Variants in BTBD9 observed in about 807,000 individuals in gnomAD.
The protein encoded by BTBD9 is BTB/POZ domain-containing protein 9.
Under a neutral mutation model 64.3 loss-of-function variants are expected in BTBD9, and 49 were observed. That is an observed-to-expected ratio of 0.76 (90% CI 0.61 to 0.97). The LOEUF (loss-of-function observed/expected upper bound fraction) is 0.97, where lower values mean the gene tolerates loss of function less well. BTBD9 is among the 50% of genes least tolerant of loss of function. BTBD9 has a pLI of 0.00. For synonymous variants in BTBD9, 260 were observed against 274.7 expected (o/e 0.95, Z 0.53); for missense variants, 598 against 762.1 (o/e 0.78, Z 2.53).
At chr6:38,587,423 C>A in intron 4 of BTBD9, 1 of 527,372 alleles carries the variant, frequency 1.9e-6, no homozygotes, top group Non-Finnish European at 3.7e-6. Flanking sequence ...ATTAATATTA[C>A]TTATGATGAA....
chr6:38,279,193 G>A (rs1475258295), intron 8 of BTBD9, among the ~76,000 whole-genome samples: 1 of 152,000 alleles, frequency 6.6e-6, no homozygotes, highest in Middle Eastern at 3.2e-3. Flanking sequence ...TGGTCTCAGT[G>A]CTTCTGCTTG....
intron 6 of BTBD9, among the ~76,000 whole-genome samples, chr6:38,543,518 G>A (rs1023920741): frequency 2.6e-5 from 4 of 152,054 alleles, no homozygotes; most frequent in African/African-American, 7.2e-5. Context: ...CAATGGGCTC[G>A]GTCAATACCC....
At chr6:38,339,741 G>A (rs577795582) in intron 7 of BTBD9, among the ~76,000 whole-genome samples, 1 of 152,168 alleles carries the variant, frequency 6.6e-6, no homozygotes, top group East Asian at 1.9e-4. Flanking sequence ...GTTTGATTTT[G>A]GAACAATGTA....
At chr6:38,324,732 G>C (rs969871395) in intron 7 of BTBD9, among the ~76,000 whole-genome samples, 2 of 152,190 alleles carry the variant, frequency 1.3e-5, no homozygotes, top group Non-Finnish European at 2.9e-5. Flanking sequence ...CTGACAGGAA[G>C]ACAATCTGGA....
intron 9 of BTBD9, among the ~76,000 whole-genome samples, chr6:38,208,367 T>C (rs1415923474): frequency 6.6e-6 from 1 of 152,138 alleles, no homozygotes; most frequent in Non-Finnish European, 1.5e-5. Flanking sequence ...GTCTGGCGCA[T>C]TGTAGTGATG....
At chr6:38,475,529 C>T (rs188107406) in intron 6 of BTBD9, among the ~76,000 whole-genome samples, 71 of 152,314 alleles carry the variant, frequency 4.7e-4, no homozygotes, top group Admixed American at 1.8e-3. Context: ...ACTAATCTGA[C>T]ACAACATATG....
At chr6:38,467,227 A>G (rs1341583876) in intron 6 of BTBD9, among the ~76,000 whole-genome samples, 5 of 152,150 alleles carry the variant, frequency 3.3e-5, no homozygotes, top group Non-Finnish European at 7.4e-5. Flanking sequence ...AAAGGATCTC[A>G]TTCTATTTTT....
intron 6 of BTBD9, among the ~76,000 whole-genome samples, chr6:38,442,288 C>G (rs61408862): frequency 0.026 from 3,887 of 152,036 alleles, 166 homozygotes; most frequent in African/African-American, 0.089. Context: ...GAGTTCGACA[C>G]CAGCCTGGCC....
At chr6:38,616,493 T>C (rs1481304576) in intron 1 of BTBD9, among the ~76,000 whole-genome samples, 1 of 152,102 alleles carries the variant, frequency 6.6e-6, no homozygotes, top group African/African-American at 2.4e-5. Context: ...GGCACATGTC[T>C]AATAGTCCCA....
intron 9 of BTBD9, among the ~76,000 whole-genome samples, chr6:38,232,479 C>G (rs755987868): frequency 1.6e-4 from 25 of 151,916 alleles, no homozygotes; most frequent in Non-Finnish European, 3.5e-4. Context: ...ACTGTGTTAG[C>G]CAGGATGGTC....
chr6:38,594,465 A>G, intron 2 of BTBD9, 138 bp from the exon 3 acceptor site: 1 of 1,026,122 alleles, frequency 9.7e-7, no homozygotes, highest in African/African-American at 1.6e-5. Context: ...AATGCAAAGT[A>G]ATCATTTAAA....
At chr6:38,440,468 T>C (rs1223041704) in intron 6 of BTBD9, among the ~76,000 whole-genome samples, 2 of 152,138 alleles carry the variant, frequency 1.3e-5, no homozygotes, top group African/African-American at 2.4e-5. Context: ...GTGGTAATAA[T>C]TGGTGACCTT....
At chr6:38,578,467 A>T (rs977940857) in intron 5 of BTBD9, among the ~76,000 whole-genome samples, 2 of 152,212 alleles carry the variant, frequency 1.3e-5, no homozygotes, top group African/African-American at 4.8e-5. Flanking sequence ...TTTGAGATGC[A>T]GTTATTACTT....
chr6:38,298,001 C>T (rs572502788), intron 7 of BTBD9, among the ~76,000 whole-genome samples: 11 of 151,774 alleles, frequency 7.2e-5, no homozygotes, highest in East Asian at 5.8e-4. Context: ...CCACCACACC[C>T]GGCTAATTTT....
intron 1 of BTBD9, among the ~76,000 whole-genome samples, chr6:38,599,099 T>C (rs199538902): frequency 2.0e-3 from 305 of 152,316 alleles, no homozygotes; most frequent in Middle Eastern, 6.8e-3. Context: ...TGCCAATGTT[T>C]ACCAGAACAT....
At chr6:38,183,433 C>T (rs894508381) in intron 10 of BTBD9, among the ~76,000 whole-genome samples, 1 of 152,176 alleles carries the variant, frequency 6.6e-6, no homozygotes, top group Admixed American at 6.5e-5. Flanking sequence ...TGGGGCCACA[C>T]AGCTGGCTGG....
At chr6:38,635,849 A>T (rs1270493720) in intron 1 of BTBD9, among the ~76,000 whole-genome samples, 2 of 152,140 alleles carry the variant, frequency 1.3e-5, no homozygotes, top group African/African-American at 4.8e-5. Context: ...TGCTGCCATT[A>T]TGAAACATAA....
intron 6 of BTBD9, among the ~76,000 whole-genome samples, chr6:38,574,281 C>T (rs551711996): frequency 6.6e-6 from 1 of 152,142 alleles, no homozygotes; most frequent in Non-Finnish European, 1.5e-5. Flanking sequence ...GACTGAATTA[C>T]ATTTGACAAG....
chr6:38,432,928 T>C (rs1768508202), intron 6 of BTBD9, among the ~76,000 whole-genome samples: 1 of 152,054 alleles, frequency 6.6e-6, no homozygotes, highest in South Asian at 2.1e-4. Context: ...TAGCACAGTC[T>C]CAGTGAATTG....
Sources: allele counts gnomAD v4.1 joint callset (sites outside exome capture counted in the v4.1 genomes callset), GRCh38; gene constraint gnomAD v4.1.1; transcripts MANE v1.5; gene names NCBI Gene and HGNC (gene_info 2026-07-23, HGNC 2026-07-21).